MALRD1: variants seen among roughly 807,000 people sequenced by gnomAD.
MALRD1 encodes the protein MAM and LDL-receptor class A domain-containing protein 1.
A neutral mutation model predicts 242.1 loss-of-function variants in MALRD1; 247 were observed. The ratio of observed to expected loss-of-function variants is 1.02; its 90% CI spans 0.92 to 1.13. The LOEUF (loss-of-function observed/expected upper bound fraction) is 1.13, where lower values mean the gene tolerates loss of function less well. Among genes scored for constraint, MALRD1 ranks in the 50% most tolerant of loss-of-function variants. MALRD1 has a pLI of 0.00. For missense variants in MALRD1, 2,989 were observed against 2,533.1 expected (o/e 1.18, Z -3.86); for synonymous variants, 995 against 866.6 (o/e 1.15, Z -2.60).
At chr10:19,677,675 G>C (rs999939948) in intron 36 of MALRD1, among the ~76,000 whole-genome samples, 2 of 152,134 alleles carry the variant, frequency 1.3e-5, no homozygotes, top group Admixed American at 1.3e-4. Context: ...AGTATAATTA[G>C]ATCCCATTTG....
chr10:19,207,506 T>C (rs1280699094), intron 17 of MALRD1, among the ~76,000 whole-genome samples: 1 of 152,104 alleles, frequency 6.6e-6, no homozygotes, highest in African/African-American at 2.4e-5. Flanking sequence ...TTTGTTTGTT[T>C]GTTTGATTTT....
chr10:19,409,201 A>C (rs573151310), intron 28 of MALRD1, among the ~76,000 whole-genome samples: 1 of 152,346 alleles, frequency 6.6e-6, no homozygotes, highest in African/African-American at 2.4e-5. Flanking sequence ...TCACTAAAAA[A>C]TCAGATTGAC....
At position 19,189,423 on chromosome 10, in the gene MALRD1, A is replaced by T. The variant is rs79209304; in HGVS notation, c.1951+14095A>T. Among the ~76,000 whole-genome samples the T allele has an allele frequency of 8.0e-3, 1,212 of 152,254 alleles. 18 individuals are homozygous for T. Among genetic ancestry groups the T allele is most frequent in the African/African-American group, 0.028 (1,149 of 41,558 alleles). ...AACAACAATCCTCTCAAATTTTTCC[A>T]AAAAATTGAAGACAAGGAATATTTT... On this transcript the variant is annotated intron_variant, in intron 14 of 39. Transcript: ENST00000454679.
At position 19,066,656 on chromosome 10, in the gene MALRD1, TTG is replaced by T. The variant is rs1254513630; in HGVS notation, c.200-61_200-60del. 3 of 1,157,744 alleles carry T rather than the reference TTG, an allele frequency of 2.6e-6. No homozygotes were observed. In the East Asian group the frequency reaches 9.6e-5, roughly 37 times the overall value. 71.7% of individuals were successfully genotyped at this position (1,157,744 alleles called of 1,614,324 possible). A position where few individuals can be genotyped will look rare whatever the true frequency, so the allele number is the denominator to read the frequency against. ...GTTGCTAAACTTTATTTTTCTGCTA[TTG>T]TCTTATTTTTTAAAAAGCTAAACAC... On this transcript the variant is annotated intron_variant, in intron 1 of 39. Coordinates refer to ENST00000454679, the MANE Select transcript of MALRD1 (RefSeq NM_001142308.3).
intron 32 of MALRD1, among the ~76,000 whole-genome samples, chr10:19,544,819 A>G (rs760401735): frequency 6.6e-6 from 1 of 152,088 alleles, no homozygotes; most frequent in Non-Finnish European, 1.5e-5. Flanking sequence ...TTCAATTCAC[A>G]GTATGTTATC....
chr10:19,301,487 G>T (rs1056398004), intron 21 of MALRD1, among the ~76,000 whole-genome samples: 8 of 151,876 alleles, frequency 5.3e-5, no homozygotes, highest in African/African-American at 1.7e-4. Context: ...CAGCAGACAG[G>T]ATAGAGAAAA....
chr10:19,689,057 G>C (rs1842715770), intron 36 of MALRD1, among the ~76,000 whole-genome samples: 1 of 152,204 alleles, frequency 6.6e-6, no homozygotes, highest in Non-Finnish European at 1.5e-5. Context: ...ATATATTTAT[G>C]TGTACACATA....
intron 18 of MALRD1, among the ~76,000 whole-genome samples, chr10:19,256,093 A>G (rs1839496933): frequency 6.6e-6 from 1 of 151,986 alleles, no homozygotes; most frequent in Non-Finnish European, 1.5e-5. Flanking sequence ...GTTACTATCA[A>G]TTTTCTATTC....
intron 29 of MALRD1, among the ~76,000 whole-genome samples, chr10:19,485,668 A>T (rs960555123): frequency 1.3e-5 from 2 of 151,462 alleles, no homozygotes; most frequent in Non-Finnish European, 2.9e-5. Flanking sequence ...AATAGTAATA[A>T]TAATAAAATA....
intron 21 of MALRD1, among the ~76,000 whole-genome samples, chr10:19,306,706 T>C (rs1373592700): frequency 2.0e-5 from 3 of 151,362 alleles, no homozygotes; most frequent in Non-Finnish European, 4.4e-5. Context: ...AGAGGTTTAA[T>C]TGACTCACAG....
chr10:19,313,352 G>T (rs917510285), intron 21 of MALRD1, among the ~76,000 whole-genome samples: 1 of 151,016 alleles, frequency 6.6e-6, no homozygotes. Flanking sequence ...CTTAAAAGCC[G>T]CCTCCTAACT....
At chr10:19,721,495 A>G (rs1309065369) in intron 38 of MALRD1, 1 of 150,960 alleles carries the variant, frequency 6.6e-6, no homozygotes, top group African/African-American at 2.5e-5. Flanking sequence ...ATTTAGTTGC[A>G]TCCTTTAAAA....
intron 32 of MALRD1, among the ~76,000 whole-genome samples, chr10:19,539,019 A>G (rs572132007): frequency 1.3e-5 from 2 of 152,308 alleles, no homozygotes; most frequent in Admixed American, 6.5e-5. Context: ...TATTGTTATG[A>G]GCTGGTGCTA....
Position 19,347,824 on chromosome 10 carries a change from G to A in MALRD1, c.3955G>A (p.Glu1319Lys). ...FEFDLCSWKQ[E>K]KDEDFDWNLK... ...ATTTGATCTTTGTTCCTGGAAGCAG[G>A]AGAAAGATGAGGACTTTGACTGGAA... is the stretch of plus-strand genomic sequence containing the variant. The change falls in exon 25 of 40, where the codon GAG becomes AAG. Residue 1319 changes from glutamate to lysine, a missense_variant. Glu to Lys is a moderately conservative substitution (Grantham distance 56). Coordinates refer to ENST00000454679, the MANE Select transcript of MALRD1 (RefSeq NM_001142308.3). 2 of 1,550,450 alleles carry A rather than the reference G, an allele frequency of 1.3e-6. No individual in the cohort carries two copies. The highest frequency in any genetic ancestry group is 1.7e-6 in the Non-Finnish European group (2 of 1,146,850).
chr10:19,437,842 T>C (rs1283332926), intron 28 of MALRD1, among the ~76,000 whole-genome samples: 3 of 152,156 alleles, frequency 2.0e-5, no homozygotes, highest in African/African-American at 7.2e-5. Flanking sequence ...TCTAGAAATC[T>C]CAATTCTATT....
chr10:19,624,775 A>T (rs949755800), intron 36 of MALRD1, among the ~76,000 whole-genome samples: 2 of 151,054 alleles, frequency 1.3e-5, no homozygotes, highest in African/African-American at 4.9e-5. Flanking sequence ...CTAAGGCAGG[A>T]GAATCACCTG....
At chr10:19,125,604 G>T (rs1837260058) in intron 7 of MALRD1, among the ~76,000 whole-genome samples, 2 of 148,924 alleles carry the variant, frequency 1.3e-5, no homozygotes, top group African/African-American at 2.5e-5. Context: ...TCACTGATCT[G>T]GAAGCTTTAA....
chr10:19,666,410 G>A (rs1841687245), intron 36 of MALRD1, among the ~76,000 whole-genome samples: 1 of 152,054 alleles, frequency 6.6e-6, no homozygotes, highest in Admixed American at 6.6e-5. Context: ...CTATAATGCT[G>A]TATACTACTA....
chr10:19,212,959 T>A (rs115124770), intron 18 of MALRD1, among the ~76,000 whole-genome samples: 2,460 of 152,282 alleles, frequency 0.016, 71 homozygotes, highest in African/African-American at 0.056. Flanking sequence ...AATTTTGAGC[T>A]TTTAAAATAT....
Sources: allele counts gnomAD v4.1 joint callset (sites outside exome capture counted in the v4.1 genomes callset), GRCh38; gene constraint gnomAD v4.1.1; transcripts MANE v1.5; gene names NCBI Gene and HGNC (gene_info 2026-07-23, HGNC 2026-07-21).